BCKDHB: variants seen among roughly 807,000 people sequenced by gnomAD.
BCKDHB encodes 2-oxoisovalerate dehydrogenase subunit beta, mitochondrial.
BCKDHB carries 41 observed loss-of-function variants against 48.5 expected under a neutral mutation model. That is an observed-to-expected ratio of 0.85 (90% CI 0.66 to 1.10). The LOEUF is 1.10. Ranked by LOEUF, BCKDHB falls within the 50% of genes least tolerant of loss-of-function variation. The pLI is 0.00. For missense variants in BCKDHB, 496 were observed against 494.2 expected (o/e 1.00, Z -0.03); for synonymous variants, 201 against 174.8 (o/e 1.15, Z -1.18).
chr6:80,214,516 G>C (rs1775079733), intron 8 of BCKDHB, among the ~76,000 whole-genome samples: 2 of 152,180 alleles, frequency 1.3e-5, no homozygotes, highest in Admixed American at 1.3e-4. Flanking sequence ...TTTGAGGGGA[G>C]CAGAGGGGGA....
chr6:80,149,139 C>A lies in BCKDHB; in HGVS notation c.344-18539C>A, dbSNP rs558331883. 1.6e-3 allele frequency among the ~76,000 whole-genome samples: 240 copies of A among 152,186 alleles called. 1 individual carries two copies. The highest frequency in any genetic ancestry group is 5.5e-3 in the African/African-American group (227 of 41,526). On this transcript the variant is annotated intron_variant, in intron 3 of 9. Coordinates refer to ENST00000320393, the MANE Select transcript of BCKDHB (RefSeq NM_183050.4). ...AAATTTACAAGAAAAAGACAAACAA[C>A]CCCATCAAAAAGTGGGCGAAGGACA...
chr6:80,228,447 T>G (rs1290598673), intron 8 of BCKDHB, among the ~76,000 whole-genome samples: 1 of 152,222 alleles, frequency 6.6e-6, no homozygotes, highest in East Asian at 1.9e-4. Flanking sequence ...TGAATTGTAC[T>G]TTACATCTAA....
the BCKDHB span, among the ~76,000 whole-genome samples, chr6:80,352,966 G>A: frequency 3.3e-5 from 5 of 152,158 alleles, no homozygotes; most frequent in Non-Finnish European, 7.3e-5. Flanking sequence ...TGCATAGCTT[G>A]CATAGTCTTC....
intron 9 of BCKDHB, among the ~76,000 whole-genome samples, chr6:80,312,622 G>A (rs1185295207): frequency 6.6e-6 from 1 of 152,092 alleles, no homozygotes; most frequent in Admixed American, 6.5e-5. Flanking sequence ...CTTGTTTATT[G>A]AGCATTTTTA....
intron 9 of BCKDHB, among the ~76,000 whole-genome samples, chr6:80,297,391 T>C (rs750484989): frequency 1.4e-4 from 21 of 152,226 alleles, no homozygotes; most frequent in Non-Finnish European, 2.5e-4. Flanking sequence ...TCTGACAAAC[T>C]ATTTGATTTA....
chr6:80,314,349 C>T (rs1021249940), intron 9 of BCKDHB, among the ~76,000 whole-genome samples: 1 of 152,206 alleles, frequency 6.6e-6, no homozygotes, highest in Admixed American at 6.5e-5. Context: ...TTTGGTGGAG[C>T]AGCTGTACTT....
chr6:80,171,939 GA>G (rs1316457155), intron 6 of BCKDHB, among the ~76,000 whole-genome samples: 2 of 151,994 alleles, frequency 1.3e-5, no homozygotes, highest in East Asian at 1.9e-4. Context: ...CACTGTAATG[GA>G]AATTTTAAAT....
intron 5 of BCKDHB, among the ~76,000 whole-genome samples, 190 bp from the exon 6 acceptor site, chr6:80,171,092 G>A (rs1474075038): frequency 6.6e-6 from 1 of 151,952 alleles, no homozygotes; most frequent in African/African-American, 2.4e-5. Context: ...ATAAATATCT[G>A]TTGAATAAGA....
intron 8 of BCKDHB, among the ~76,000 whole-genome samples, chr6:80,262,352 C>G (rs1273830179): frequency 7.2e-5 from 11 of 151,950 alleles, no homozygotes; most frequent in Admixed American, 7.2e-4. Context: ...ATTTTTTTGA[C>G]CGTGGTAACA....
At chr6:80,193,543 A>C (rs1582325256) in intron 6 of BCKDHB, among the ~76,000 whole-genome samples, 1 of 152,080 alleles carries the variant, frequency 6.6e-6, no homozygotes, top group South Asian at 2.1e-4. Context: ...ACATGGCAAA[A>C]CCCTGTATCT....
intron 3 of BCKDHB, among the ~76,000 whole-genome samples, chr6:80,163,196 C>T (rs190446873): frequency 1.6e-4 from 25 of 152,096 alleles, no homozygotes; most frequent in African/African-American, 5.8e-4. Context: ...TGAGCCATAG[C>T]GCCTGGCTTC....
intron 9 of BCKDHB, among the ~76,000 whole-genome samples, chr6:80,323,990 T>A (rs1768892502): frequency 6.6e-6 from 1 of 152,258 alleles, no homozygotes; most frequent in East Asian, 1.9e-4. Context: ...GCCAGGGTGG[T>A]CTCGATCTCC....
chr6:80,136,321 C>T (rs1770881237), intron 3 of BCKDHB, among the ~76,000 whole-genome samples: 1 of 152,054 alleles, frequency 6.6e-6, no homozygotes, highest in Admixed American at 6.6e-5. Context: ...AATATCTAGT[C>T]ATTAATTTTT....
chr6:80,278,403 A>G (rs184306840), intron 9 of BCKDHB, among the ~76,000 whole-genome samples: 1 of 152,286 alleles, frequency 6.6e-6, no homozygotes, highest in East Asian at 1.9e-4. Context: ...CCAAAGTCTA[A>G]ATCACTCTGG....
chr6:80,454,720 T>TA, the BCKDHB span, among the ~76,000 whole-genome samples: 2 of 152,062 alleles, frequency 1.3e-5, no homozygotes, highest in Non-Finnish European at 2.9e-5. Context: ...ATCTGAAAAA[T>TA]ATGTGTATGA....
intron 9 of BCKDHB, among the ~76,000 whole-genome samples, chr6:80,326,017 T>C (rs921317526): frequency 4.0e-4 from 61 of 152,212 alleles, no homozygotes; most frequent in African/African-American, 1.4e-3. Flanking sequence ...ACCGAGGAAA[T>C]CTCAATACAG....
At chr6:80,392,862 CTTTTT>C in the BCKDHB span, among the ~76,000 whole-genome samples, 2 of 102,078 alleles carry the variant, frequency 2.0e-5, no homozygotes, top group Non-Finnish European at 2.2e-5. Flanking sequence ...ACCTTTTTAA[CTTTTT>C]TTTTTTTTTT....
At chr6:80,351,157 AG>A (rs926150393), downstream of BCKDHB, among the ~76,000 whole-genome samples, 1 of 152,220 alleles carries the variant, frequency 6.6e-6, no homozygotes, top group Admixed American at 6.5e-5. Context: ...AAAGAATTCC[AG>A]AAACAGAAAG....
rs527936313 is a variant in BCKDHB at position 80,317,257 on chromosome 6, C to T, written c.1039-26407C>T. On this transcript the variant is annotated intron_variant, in intron 9 of 9. Coordinates refer to ENST00000320393, the MANE Select transcript of BCKDHB (RefSeq NM_183050.4). ...AATACCCAAAACTTAAAGGGTACACCCCCAACTTAAAGCAACACAGATTTA... is the reference window on the plus strand; with the variant it reads ...AATACCCAAAACTTAAAGGGTACACTCCCAACTTAAAGCAACACAGATTTA... Among the ~76,000 whole-genome samples the T allele has an allele frequency of 2.6e-5, 4 of 152,280 alleles. No individual in the cohort carries two copies. In the East Asian group the frequency reaches 7.7e-4, roughly 29 times the overall value.
Sources: allele counts gnomAD v4.1 joint callset (sites outside exome capture counted in the v4.1 genomes callset), GRCh38; gene constraint gnomAD v4.1.1; transcripts MANE v1.5; gene names NCBI Gene and HGNC (gene_info 2026-07-23, HGNC 2026-07-21).